The following SEMA6A variants were observed in gnomAD, a reference collection of about 807,000 sequenced individuals.
The protein encoded by SEMA6A is semaphorin 6A.
In SEMA6A, 25 loss-of-function variants were observed where a neutral mutation model predicts 96.8. The ratio of observed to expected loss-of-function variants is 0.26; its 90% CI spans 0.19 to 0.36. The LOEUF (loss-of-function observed/expected upper bound fraction) is 0.36, where lower values mean the gene tolerates loss of function less well. SEMA6A is among the 10% of genes least tolerant of loss of function. SEMA6A has a pLI of 1.00. For missense variants in SEMA6A, 1,363 were observed against 1,323.1 expected, an observed-to-expected ratio of 1.03 and a Z score of -0.47; for synonymous variants, 612 against 518.0, an observed-to-expected ratio of 1.18 and a Z score of -2.46.
chr5:116,494,652 G>A (rs1052663961), intron 6 of SEMA6A, among the ~76,000 whole-genome samples: 1 of 152,172 alleles, frequency 6.6e-6, no homozygotes, highest in Non-Finnish European at 1.5e-5. Context: ...TCCCTGCCTG[G>A]CTTCCCTAAG....
rs777422146 is a variant in SEMA6A, at chr5:116,446,776, G to C, written c.2930C>G (p.Ser977Cys). The C allele has an allele frequency of 1.7e-5, 27 of 1,611,778 alleles. 1 individual carries two copies. The South Asian group carries it at 1.8e-4, about 11-fold the overall frequency. ...CCTCGAGACAGTCACGGCCTGGCCA[G>C]ATGGCTGGGAGCTGTGCACCTGGAT... ...DSIQVHSSQPSGQAVTVSRQP... is the reference protein window; with the variant it reads ...DSIQVHSSQPCGQAVTVSRQP... Residue 977 changes from serine to cysteine, a missense_variant, in exon 19 of 19, where the codon TCT becomes TGT. By Grantham distance (112) the Ser-to-Cys change is moderately radical. Transcript: ENST00000343348.
chr5:116,498,511 G>A (rs1011355131), intron 3 of SEMA6A: 1 of 151,340 alleles, frequency 6.6e-6, no homozygotes, highest in Non-Finnish European at 1.5e-5. Flanking sequence ...AATATAAAAC[G>A]AGCGGGAAGG....
intron 1 of SEMA6A, among the ~76,000 whole-genome samples, chr5:116,568,952 C>G (rs1483586562): frequency 6.6e-6 from 1 of 152,160 alleles, no homozygotes; most frequent in East Asian, 1.9e-4. Context: ...AAAATAAAGA[C>G]TAGTTGTTTG....
At chr5:116,543,684 G>A (rs1760070145) in intron 1 of SEMA6A, among the ~76,000 whole-genome samples, 7 of 152,288 alleles carry the variant, frequency 4.6e-5, no homozygotes, top group Admixed American at 4.6e-4. Context: ...TTTTAACACA[G>A]ATTAGGTAGC....
intron 18 of SEMA6A, among the ~76,000 whole-genome samples, chr5:116,450,819 C>T (rs1038530487): frequency 4.6e-5 from 7 of 152,046 alleles, no homozygotes; most frequent in African/African-American, 1.7e-4. Flanking sequence ...CAGAAACGTC[C>T]AAAGATGGAA....
At chr5:116,516,195 A>C (rs1236774371) in intron 1 of SEMA6A, among the ~76,000 whole-genome samples, 2 of 152,194 alleles carry the variant, frequency 1.3e-5, no homozygotes, top group Non-Finnish European at 2.9e-5. Context: ...AAGAGGCATA[A>C]TATCATTTCA....
intron 1 of SEMA6A, among the ~76,000 whole-genome samples, chr5:116,569,829 G>A (rs1447854650): frequency 6.6e-6 from 1 of 152,118 alleles, no homozygotes; most frequent in African/African-American, 2.4e-5. Flanking sequence ...AGATATGGGG[G>A]AGAAAGATAC....
chr5:116,493,375 C>G (rs1399889072), intron 6 of SEMA6A, among the ~76,000 whole-genome samples: 2 of 152,144 alleles, frequency 1.3e-5, no homozygotes, highest in African/African-American at 4.8e-5. Flanking sequence ...TATGCTGTCA[C>G]TAGCTAGAGT....
intron 1 of SEMA6A, among the ~76,000 whole-genome samples, chr5:116,538,303 G>A (rs1759814808): frequency 6.6e-6 from 1 of 152,144 alleles, no homozygotes; most frequent in Non-Finnish European, 1.5e-5. Context: ...TTTTTGCAAT[G>A]ATAGGTATTT....
At chr5:116,513,123 GCTAT>G (rs1216816926) in intron 1 of SEMA6A, among the ~76,000 whole-genome samples, 2 of 151,692 alleles carry the variant, frequency 1.3e-5, no homozygotes, top group Admixed American at 6.6e-5. Flanking sequence ...TATAAAGGCA[GCTAT>G]CTTTTTTTTT....
intron 1 of SEMA6A, among the ~76,000 whole-genome samples, chr5:116,520,079 C>T (rs1252931650): frequency 6.6e-6 from 1 of 152,168 alleles, no homozygotes; most frequent in Non-Finnish European, 1.5e-5. Flanking sequence ...TTGACCCCAT[C>T]ATGTTCCATT....
rs150285599 is a variant in SEMA6A, at chr5:116,572,095, T to A, written c.-39+2090A>T. Among the ~76,000 whole-genome samples, 6 of 152,290 alleles carry A rather than the reference T, an allele frequency of 3.9e-5. No homozygotes were observed. The East Asian group carries it at 1.2e-3, about 29-fold the overall frequency. On this transcript the variant is annotated intron_variant, in intron 1 of 18. Coordinates refer to ENST00000343348, the MANE Select transcript of SEMA6A (RefSeq NM_020796.5). Reference sequence around the variant, plus strand: ...GCAAAGGCACTCGACCTTCCCATCCTGGCAAGACTTAAAAACCAGCGCTGG... The same window carrying A: ...GCAAAGGCACTCGACCTTCCCATCCAGGCAAGACTTAAAAACCAGCGCTGG...
At chr5:116,543,122 G>A (rs1760045707) in intron 1 of SEMA6A, among the ~76,000 whole-genome samples, 1 of 152,128 alleles carries the variant, frequency 6.6e-6, no homozygotes, top group Admixed American at 6.6e-5. Context: ...ACTACTATGG[G>A]AGGGATGATT....
At chr5:116,523,859 G>A (rs1173993424) in intron 1 of SEMA6A, among the ~76,000 whole-genome samples, 1 of 152,110 alleles carries the variant, frequency 6.6e-6, no homozygotes, top group Admixed American at 6.6e-5. Context: ...AATACAAATG[G>A]CATCCATATT....
At chr5:116,549,988 A>G (rs768524059) in intron 1 of SEMA6A, 3 of 152,176 alleles carry the variant, frequency 2.0e-5, no homozygotes, top group Admixed American at 2.0e-4. Flanking sequence ...CTAAATGATC[A>G]TGTTTGAGTC....
chr5:116,513,813 C>CT (rs1448506837), intron 1 of SEMA6A, among the ~76,000 whole-genome samples: 1 of 152,038 alleles, frequency 6.6e-6, no homozygotes, highest in Non-Finnish European at 1.5e-5. Flanking sequence ...TGAGTGTGTG[C>CT]TGTTCTTCCC....
At position 116,447,254 on chromosome 5, in the gene SEMA6A, G is replaced by C. The variant is rs765352395; in HGVS notation, c.2452C>G (p.Leu818Val). ...SPSHIPSVVV[L>V]PITQQGYQHE... ...TGGTAGCCCTGCTGCGTGATGGGCA[G>C]GACCACCACGCTGGGGATGTGGCTG... The change falls in exon 19 of 19, where the codon CTG becomes GTG. Residue 818 changes from leucine (L) to valine (V), a missense_variant. Transcript: ENST00000343348. 1 of 1,613,972 alleles carries C rather than the reference G, an allele frequency of 6.2e-7. No homozygotes were observed. Among genetic ancestry groups the C allele is most frequent in the South Asian group, 1.1e-5 (1 of 91,088 alleles).
intron 17 of SEMA6A, chr5:116,472,821 A>T (rs1346767449): frequency 1.6e-6 from 2 of 1,273,506 alleles, no homozygotes; most frequent in African/African-American, 3.1e-5. Flanking sequence ...AATGAAAACT[A>T]TAAACTACTG....
intron 11 of SEMA6A, among the ~76,000 whole-genome samples, chr5:116,482,177 A>G (rs1217073639): frequency 6.6e-6 from 1 of 152,178 alleles, no homozygotes; most frequent in Non-Finnish European, 1.5e-5. Flanking sequence ...AGTTTTCCCA[A>G]CTATAAGCCA....
Sources: allele counts gnomAD v4.1 joint callset (sites outside exome capture counted in the v4.1 genomes callset), GRCh38; gene constraint gnomAD v4.1.1; transcripts MANE v1.5; gene names NCBI Gene and HGNC (gene_info 2026-07-23, HGNC 2026-07-21).